The following NEGR1 variants were observed in gnomAD, a reference collection of about 807,000 sequenced individuals.
NEGR1 encodes the protein neuronal growth regulator 1, also known as IgLON family member 4.
A neutral mutation model predicts 40.9 loss-of-function variants in NEGR1; 10 were observed. The ratio of observed to expected loss-of-function variants is 0.24; its 90% CI spans 0.15 to 0.42. The LOEUF (loss-of-function observed/expected upper bound fraction) is 0.42. Among genes scored for constraint, NEGR1 ranks in the 10% least tolerant of loss-of-function variants. The probability of loss-of-function intolerance (pLI) is 1.00; values close to 1 mark genes in which losing one functional copy is unlikely to be tolerated. For missense variants in NEGR1, 352 were observed against 438.9 expected (o/e 0.80, Z 1.77); for synonymous variants, 185 against 166.8 (o/e 1.11, Z -0.84).
intron 1 of NEGR1, among the ~76,000 whole-genome samples, chr1:72,020,433 C>G (rs1317520804): frequency 6.6e-6 from 1 of 151,918 alleles, no homozygotes; most frequent in African/African-American, 2.4e-5. Flanking sequence ...ATTATTTTCC[C>G]TGAAAAAGGA....
At chr1:71,769,850 C>A (rs998523285) in intron 3 of NEGR1, among the ~76,000 whole-genome samples, 1 of 152,176 alleles carries the variant, frequency 6.6e-6, no homozygotes, top group African/African-American at 2.4e-5. Flanking sequence ...GTTTATAAGT[C>A]ATAAACTCTG....
chr1:72,069,556 G>A (rs1302075749), intron 1 of NEGR1, among the ~76,000 whole-genome samples: 1 of 152,104 alleles, frequency 6.6e-6, no homozygotes, highest in Non-Finnish European at 1.5e-5. Flanking sequence ...TGATACCTGT[G>A]AAATGGATAT....
chr1:71,882,052 T>C (rs992699012), intron 2 of NEGR1, among the ~76,000 whole-genome samples: 2 of 152,122 alleles, frequency 1.3e-5, no homozygotes, highest in Admixed American at 1.3e-4. Context: ...TTTGGGAATA[T>C]TCTCTTCCAA....
intron 1 of NEGR1, among the ~76,000 whole-genome samples, chr1:72,134,423 C>T (rs1357097942): frequency 6.6e-6 from 1 of 151,870 alleles, no homozygotes; most frequent in Non-Finnish European, 1.5e-5. Flanking sequence ...CCAGGATGGT[C>T]TCGATCTCCT....
rs192969102 is a variant in NEGR1 at position 71,794,117 on chromosome 1, G to A, written c.410-17820C>T. ...ACAAGTCATTGCTAATAGATAACTT[G>A]TCTTTGTAGAATATTCAAGAGAAGA... is the stretch of plus-strand genomic sequence containing the variant. On this transcript the variant is annotated intron_variant, in intron 2 of 6. Transcript: ENST00000357731. 2.6e-5 allele frequency: 4 copies of A among 152,248 alleles called. No individual in the cohort carries two copies. In the East Asian group the frequency reaches 7.7e-4, roughly 29 times the overall value. 9.4% of individuals were successfully genotyped at this position (152,248 alleles called of 1,614,324 possible).
At chr1:72,093,143 C>T (rs1648560162) in intron 1 of NEGR1, among the ~76,000 whole-genome samples, 1 of 151,788 alleles carries the variant, frequency 6.6e-6, no homozygotes, top group African/African-American at 2.4e-5. Flanking sequence ...TCATCCTGGC[C>T]AATGTGGTGA....
At chr1:71,547,867 T>C (rs1007557715) in intron 6 of NEGR1, among the ~76,000 whole-genome samples, 1 of 151,696 alleles carries the variant, frequency 6.6e-6, no homozygotes, top group African/African-American at 2.4e-5. Flanking sequence ...TATACAACTT[T>C]GCTCTGAATT....
intron 4 of NEGR1, among the ~76,000 whole-genome samples, chr1:71,664,548 T>G (rs868190948): frequency 6.6e-6 from 1 of 152,264 alleles, no homozygotes. Context: ...CCATGGGAAT[T>G]TAGAAGAGAA....
intron 2 of NEGR1, among the ~76,000 whole-genome samples, chr1:71,776,661 T>A (rs964461971): frequency 2.6e-5 from 4 of 152,148 alleles, no homozygotes; most frequent in African/African-American, 9.6e-5. Flanking sequence ...GTTGAAATGG[T>A]TAAAAAAGAG....
chr1:72,177,585 A>C (rs1034457915), intron 1 of NEGR1, among the ~76,000 whole-genome samples: 1 of 152,008 alleles, frequency 6.6e-6, no homozygotes, highest in Non-Finnish European at 1.5e-5. Context: ...TCCTCTAAAA[A>C]ACTTATTCAT....
intron 1 of NEGR1, among the ~76,000 whole-genome samples, chr1:72,134,756 A>G (rs1650388389): frequency 1.3e-5 from 2 of 150,938 alleles, no homozygotes; most frequent in South Asian, 4.2e-4. Flanking sequence ...TTATTTTTTG[A>G]GATGGAGTTT....
intron 1 of NEGR1, among the ~76,000 whole-genome samples, chr1:72,013,599 T>G (rs1569823967): frequency 6.6e-6 from 1 of 152,210 alleles, no homozygotes; most frequent in East Asian, 1.9e-4. Flanking sequence ...TAATTTGTAA[T>G]ATAAATCAAC....
chr1:71,586,802 A>ATG (rs1649323557), intron 6 of NEGR1, among the ~76,000 whole-genome samples: 2 of 152,074 alleles, frequency 1.3e-5, no homozygotes, highest in Non-Finnish European at 2.9e-5. Flanking sequence ...TACTTTCATG[A>ATG]CTTATGTGAT....
chr1:71,747,411 T>C (rs1179210506), intron 3 of NEGR1, among the ~76,000 whole-genome samples: 1 of 151,732 alleles, frequency 6.6e-6, no homozygotes, highest in African/African-American at 2.4e-5. Flanking sequence ...AGCCATGTGG[T>C]GAAAACTTCT....
intron 4 of NEGR1, among the ~76,000 whole-genome samples, chr1:71,668,705 C>A (rs181555554): frequency 6.6e-6 from 1 of 151,854 alleles, no homozygotes; most frequent in South Asian, 2.1e-4. Flanking sequence ...TCCTGGAAAC[C>A]CAGGAAAAGA....
At chr1:71,624,145 T>C (rs933232682) in intron 4 of NEGR1, among the ~76,000 whole-genome samples, 1 of 151,962 alleles carries the variant, frequency 6.6e-6, no homozygotes, top group African/African-American at 2.4e-5. Flanking sequence ...ATCTGTGAAT[T>C]TGATGAACAG....
At chr1:72,106,397 C>T (rs986833086) in intron 1 of NEGR1, among the ~76,000 whole-genome samples, 3 of 151,972 alleles carry the variant, frequency 2.0e-5, no homozygotes, top group African/African-American at 7.2e-5. Context: ...CTGTCCACTT[C>T]CCCAAAGTTC....
At chr1:72,266,090 T>A (rs574558311) in intron 1 of NEGR1, among the ~76,000 whole-genome samples, 1 of 151,026 alleles carries the variant, frequency 6.6e-6, no homozygotes, top group East Asian at 1.9e-4. Flanking sequence ...CATCATAATG[T>A]TATTGATATT....
chr1:71,791,709 A>G (rs1657126181), intron 2 of NEGR1, among the ~76,000 whole-genome samples: 1 of 152,144 alleles, frequency 6.6e-6, no homozygotes, highest in Non-Finnish European at 1.5e-5. Flanking sequence ...GAACATTAGT[A>G]ACTGTAAAGT....
Sources: allele counts gnomAD v4.1 joint callset (sites outside exome capture counted in the v4.1 genomes callset), GRCh38; gene constraint gnomAD v4.1.1; transcripts MANE v1.5; gene names NCBI Gene and HGNC (gene_info 2026-07-23, HGNC 2026-07-21).